Variants in PTPRT observed in about 807,000 individuals in gnomAD.
PTPRT encodes protein tyrosine phosphatase receptor type T, also known as receptor-type tyrosine-protein phosphatase T.
In PTPRT, 56 loss-of-function variants were observed where a neutral mutation model predicts 176.8. That is an observed-to-expected ratio of 0.32 (90% CI 0.26 to 0.40). The LOEUF is 0.40. PTPRT is among the 10% of genes least tolerant of loss of function. PTPRT has a pLI of 1.00. For synonymous variants in PTPRT, 783 were observed against 739.0 expected, an observed-to-expected ratio of 1.06 and a Z score of -0.96; for missense variants, 1,540 against 1,908.2, an observed-to-expected ratio of 0.81 and a Z score of 3.60.
At chr20:42,963,464 T>A (rs1260986071) in intron 1 of PTPRT, among the ~76,000 whole-genome samples, 1 of 150,896 alleles carries the variant, frequency 6.6e-6, no homozygotes, top group African/African-American at 2.4e-5. Flanking sequence ...GGGTCATTTT[T>A]AAAAAATAAA....
intron 1 of PTPRT, among the ~76,000 whole-genome samples, chr20:43,021,258 G>A (rs1265239613): frequency 1.3e-5 from 2 of 152,138 alleles, no homozygotes; most frequent in Admixed American, 6.5e-5. Context: ...CCTGATTTGA[G>A]AGACTACAGA....
At chr20:42,645,603 G>A (rs2074873980) in intron 7 of PTPRT, among the ~76,000 whole-genome samples, 1 of 152,022 alleles carries the variant, frequency 6.6e-6, no homozygotes, top group Admixed American at 6.6e-5. Context: ...AAGGAAATAT[G>A]GGCTGTAAAA....
chr20:43,070,105 T>C (rs893766976), intron 1 of PTPRT, among the ~76,000 whole-genome samples: 1 of 151,458 alleles, frequency 6.6e-6, no homozygotes, highest in African/African-American at 2.4e-5. Context: ...TTGTGGGTTA[T>C]TTTTTTTTAA....
At chr20:42,463,152 GACTT>G (rs1190531109) in intron 8 of PTPRT, among the ~76,000 whole-genome samples, 2 of 152,068 alleles carry the variant, frequency 1.3e-5, no homozygotes, top group African/African-American at 4.8e-5. Flanking sequence ...CAAGGAGATA[GACTT>G]ACTTTCCTTT....
intron 16 of PTPRT, among the ~76,000 whole-genome samples, chr20:42,163,337 GATTT>G (rs1354038247): frequency 6.6e-6 from 1 of 152,208 alleles, no homozygotes; most frequent in Non-Finnish European, 1.5e-5. Flanking sequence ...AGATTTCTAA[GATTT>G]AGATTTATGC....
intron 1 of PTPRT, among the ~76,000 whole-genome samples, chr20:42,921,418 T>C (rs1027744456): frequency 1.3e-5 from 2 of 151,978 alleles, no homozygotes; most frequent in Non-Finnish European, 2.9e-5. Context: ...GTGAGATCTC[T>C]ACAAAAAATG....
intron 7 of PTPRT, among the ~76,000 whole-genome samples, chr20:42,645,986 C>T (rs1005022778): frequency 1.3e-5 from 2 of 152,246 alleles, no homozygotes; most frequent in African/African-American, 2.4e-5. Context: ...GCACCTACCA[C>T]TCTTCCTGGC....
chr20:42,534,324 A>G lies in PTPRT; in HGVS notation c.1154-61762T>C, dbSNP rs969024672. 5.3e-5 allele frequency among the ~76,000 whole-genome samples: 8 copies of G among 152,208 alleles called. No homozygotes were observed. In the East Asian group the frequency reaches 1.3e-3, roughly 26 times the overall value. On this transcript the variant is annotated intron_variant, in intron 7 of 30. Coordinates refer to ENST00000373187, the MANE Select transcript of PTPRT (RefSeq NM_007050.6). Reference sequence around the variant, plus strand: ...GATTTCCACAAGGACAGCATCTTGCATGACAAAGACATCAAGATACAAAAC... The same window carrying G: ...GATTTCCACAAGGACAGCATCTTGCGTGACAAAGACATCAAGATACAAAAC...
At chr20:42,106,280 C>T (rs1344360999) in intron 24 of PTPRT, among the ~76,000 whole-genome samples, 1 of 152,104 alleles carries the variant, frequency 6.6e-6, no homozygotes, top group Non-Finnish European at 1.5e-5. Context: ...CAGAGAGTTG[C>T]CTAAAGGTCT....
chr20:42,119,893 C>G, intron 20 of PTPRT, 42 bp downstream of exon 20: 1 of 1,575,458 alleles, frequency 6.3e-7, no homozygotes, highest in Non-Finnish European at 8.7e-7. Flanking sequence ...CCTGGGACCC[C>G]TGAAGCCTCT....
intron 7 of PTPRT, among the ~76,000 whole-genome samples, chr20:42,581,654 C>T (rs1320572219): frequency 6.6e-6 from 1 of 151,760 alleles, no homozygotes; most frequent in Non-Finnish European, 1.5e-5. Context: ...GTAATTTTGA[C>T]AAATGAGTTT....
At chr20:43,106,538 T>G (rs1171420638) in intron 1 of PTPRT, among the ~76,000 whole-genome samples, 1 of 151,580 alleles carries the variant, frequency 6.6e-6, no homozygotes, top group Non-Finnish European at 1.5e-5. Context: ...GCACCTGTAA[T>G]CTCAGCTACT....
intron 6 of PTPRT, among the ~76,000 whole-genome samples, chr20:42,750,169 A>T (rs1036737730): frequency 6.6e-6 from 1 of 152,204 alleles, no homozygotes; most frequent in Non-Finnish European, 1.5e-5. Context: ...CATAGTATGT[A>T]CAGAATATCA....
chr20:42,782,903 T>G (rs950537657), intron 3 of PTPRT, among the ~76,000 whole-genome samples: 3 of 152,132 alleles, frequency 2.0e-5, no homozygotes, highest in Non-Finnish European at 4.4e-5. Context: ...GAAAAAGACA[T>G]GGGTTGAAGA....
chr20:42,315,860 A>G lies in PTPRT; in HGVS notation c.2002T>C (p.Leu668=). 1 of 1,614,164 alleles carries G rather than the reference A, an allele frequency of 6.2e-7. No individual in the cohort carries two copies. Among genetic ancestry groups the G allele is most frequent in the Non-Finnish European group, 8.5e-7 (1 of 1,180,038 alleles). ...LDSLHYFAAE[L]KPANLPVTQP... The stretch of plus-strand genomic sequence containing the variant: ...GTGACAGGCAGGTTGGCAGGCTTCA[A>G]CTCAGCAGCAAAGTAGTGTAGAGAA... Residue 668 remains leucine, a synonymous_variant, in exon 12 of 31, where the codon TTG becomes CTG. Coordinates refer to ENST00000373187, the MANE Select transcript of PTPRT (RefSeq NM_007050.6).
intron 7 of PTPRT, among the ~76,000 whole-genome samples, chr20:42,506,830 G>T (rs371071530): frequency 6.6e-6 from 1 of 152,106 alleles, no homozygotes; most frequent in Admixed American, 6.6e-5. Context: ...TCCCTGCTGG[G>T]ATCCTCAGTG....
intron 6 of PTPRT, among the ~76,000 whole-genome samples, chr20:42,679,298 GA>G (rs535540662): frequency 0.077 from 10,939 of 141,488 alleles, 1,111 homozygotes; most frequent in African/African-American, 0.24. Flanking sequence ...CTTTAATGGG[GA>G]AAAAAAAAAA....
chr20:42,242,687 C>T (rs1208963206), intron 14 of PTPRT, among the ~76,000 whole-genome samples: 1 of 152,076 alleles, frequency 6.6e-6, no homozygotes, highest in Non-Finnish European at 1.5e-5. Context: ...GTCAGAAAAA[C>T]TAAGAAAAAA....
At chr20:43,029,049 C>T (rs561611556) in intron 1 of PTPRT, among the ~76,000 whole-genome samples, 38 of 152,336 alleles carry the variant, frequency 2.5e-4, no homozygotes, top group Non-Finnish European at 3.7e-4. Context: ...CCATCTACCT[C>T]CTCTCAGCTG....
Sources: gnomAD v4.1 joint callset for allele counts (sites outside exome capture counted in the v4.1 genomes callset) on GRCh38, gnomAD v4.1.1 for gene constraint, MANE v1.5 for transcripts, NCBI Gene and HGNC (gene_info 2026-07-23, HGNC 2026-07-21) for gene names.